The following SLC25A48 variants were observed in gnomAD, a reference collection of about 807,000 sequenced individuals.
SLC25A48 encodes the protein solute carrier family 25 member 48.
A neutral mutation model predicts 32.2 loss-of-function variants in SLC25A48; 29 were observed. That is an observed-to-expected ratio of 0.90 (90% CI 0.67 to 1.23). The LOEUF (loss-of-function observed/expected upper bound fraction) is 1.23. Ranked by LOEUF, SLC25A48 falls within the 50% of genes most tolerant of loss-of-function variation. The probability of loss-of-function intolerance (pLI) is 0.00; values close to 1 mark genes in which losing one functional copy is unlikely to be tolerated. For synonymous variants in SLC25A48, 164 were observed against 172.3 expected (o/e 0.95, Z 0.38); for missense variants, 399 against 422.7 (o/e 0.94, Z 0.49).
At chr5:135,861,949 G>A (rs17169232) in intron 4 of SLC25A48, among the ~76,000 whole-genome samples, 30,809 of 152,290 alleles carry the variant, frequency 0.2, 3,918 homozygotes, top group Middle Eastern at 0.3. Flanking sequence ...GTATTCTCCT[G>A]GGGCCTCTGC....
intron 1 of SLC25A48, among the ~76,000 whole-genome samples, chr5:135,591,930 G>A (rs1007089790): frequency 3.3e-5 from 5 of 152,182 alleles, no homozygotes; most frequent in African/African-American, 1.2e-4. Context: ...AAGCTAAGCA[G>A]CTTCTTGGCT....
Position 135,784,254 on chromosome 5 carries a change from C to G in SLC25A48, c.-520-28269C>G. On this transcript the variant is annotated intron_variant, in intron 3 of 10. Transcript: ENST00000646290. ...AAGAGGATGATATTACTCCCAATAGCGCAGAGAGTGTACACCCCACCTGTG... is the reference window on the plus strand; with the variant it reads ...AAGAGGATGATATTACTCCCAATAGGGCAGAGAGTGTACACCCCACCTGTG... 2.9e-5 allele frequency among the ~76,000 whole-genome samples: 2 copies of G among 69,628 alleles called. 1 individual carries two copies. The highest frequency in any genetic ancestry group is 8.8e-5 in the Non-Finnish European group (2 of 22,656). 45.7% of individuals were successfully genotyped at this position (69,628 alleles called of 152,430 possible). A position where few individuals can be genotyped will look rare whatever the true frequency, so the allele number is the denominator to read the frequency against.
At chr5:135,833,413 C>T (rs1758280310), upstream of SLC25A48, among the ~76,000 whole-genome samples, 1 of 152,216 alleles carries the variant, frequency 6.6e-6, no homozygotes, top group Non-Finnish European at 1.5e-5. Flanking sequence ...AGGCTTTCCA[C>T]TTGTGGATGC....
chr5:135,808,112 TCA>T (rs1757506004), intron 3 of SLC25A48, among the ~76,000 whole-genome samples: 1 of 151,056 alleles, frequency 6.6e-6, no homozygotes, highest in Non-Finnish European at 1.5e-5. Flanking sequence ...TTTATTAATA[TCA>T]CAGTGTGTTA....
intron 3 of SLC25A48, among the ~76,000 whole-genome samples, chr5:135,851,710 A>G (rs891930834): frequency 3.3e-5 from 5 of 152,172 alleles, no homozygotes; most frequent in Non-Finnish European, 5.9e-5. Flanking sequence ...GAGTCTGCAC[A>G]ATAGCTTCCC....
chr5:135,870,543 G>T (rs1761554034), intron 4 of SLC25A48, among the ~76,000 whole-genome samples: 2 of 152,148 alleles, frequency 1.3e-5, no homozygotes. Flanking sequence ...TAGACAAGAA[G>T]ATAGCAGCCC....
rs985129775 is a variant in SLC25A48 at position 135,659,231 on chromosome 5, T to C, written c.-521+24275T>C. ...AGTCAGGCCACATCTTGAATGCTTT[T>C]CTGCTTAGAAATTTCTTCCACCAGA... is the stretch of plus-strand genomic sequence containing the variant. On this transcript the variant is annotated intron_variant, in intron 3 of 10. Coordinates refer to the SLC25A48 transcript ENST00000646290. 2.0e-5 allele frequency among the ~76,000 whole-genome samples: 3 copies of C among 149,456 alleles called. No homozygotes were observed. The Admixed American group carries it at 2.0e-4, about 10-fold the overall frequency.
At chr5:135,590,437 T>A (rs1437728876) in intron 1 of SLC25A48, among the ~76,000 whole-genome samples, 1 of 152,216 alleles carries the variant, frequency 6.6e-6, no homozygotes, top group Admixed American at 6.5e-5. Flanking sequence ...GGTCCCTGAG[T>A]GCCTTTGCTC....
At chr5:135,781,066 C>T (rs79374779) in intron 3 of SLC25A48, among the ~76,000 whole-genome samples, 8,471 of 115,916 alleles carry the variant, frequency 0.073, 1,913 homozygotes, top group African/African-American at 0.15. Flanking sequence ...TACACCACCT[C>T]TGATATTGTT....
At chr5:135,821,103 C>T (rs1239992263) in intron 4 of SLC25A48, among the ~76,000 whole-genome samples, 1 of 152,224 alleles carries the variant, frequency 6.6e-6, no homozygotes, top group Non-Finnish European at 1.5e-5. Flanking sequence ...GCTCAACTCT[C>T]CAATCTGCAA....
intron 3 of SLC25A48, among the ~76,000 whole-genome samples, chr5:135,672,897 C>T (rs1753688109): frequency 6.6e-6 from 1 of 152,122 alleles, no homozygotes; most frequent in Non-Finnish European, 1.5e-5. Context: ...CCCTTATGCT[C>T]CACCCCCAAG....
At chr5:135,680,437 T>C (rs1580779833) in intron 3 of SLC25A48, among the ~76,000 whole-genome samples, 1 of 152,366 alleles carries the variant, frequency 6.6e-6, no homozygotes, top group Non-Finnish European at 1.5e-5. Flanking sequence ...GAATTTGTGA[T>C]AAAATTTAGA....
intron 1 of SLC25A48, among the ~76,000 whole-genome samples, chr5:135,588,612 T>C (rs754153144): frequency 1.3e-5 from 2 of 152,070 alleles, no homozygotes; most frequent in Admixed American, 6.5e-5. Flanking sequence ...AGGTTGGGGA[T>C]TGGGAATGCT....
chr5:135,809,159 C>T (rs1757538518), intron 3 of SLC25A48, among the ~76,000 whole-genome samples: 1 of 151,822 alleles, frequency 6.6e-6, no homozygotes, highest in African/African-American at 2.4e-5. Flanking sequence ...GATAGCCAGG[C>T]ATGATGGCAT....
intron 3 of SLC25A48, among the ~76,000 whole-genome samples, chr5:135,643,323 C>A (rs982081094): frequency 4.6e-5 from 7 of 152,174 alleles, no homozygotes; most frequent in Non-Finnish European, 1.0e-4. Flanking sequence ...GCTGAACACA[C>A]AAGACTCTGT....
intron 3 of SLC25A48, among the ~76,000 whole-genome samples, chr5:135,788,968 T>G (rs1290016084): frequency 2.7e-5 from 4 of 149,698 alleles, no homozygotes; most frequent in Non-Finnish European, 1.5e-5. Context: ...GTGGAGGGTG[T>G]CCACATCCCT....
intron 4 of SLC25A48, among the ~76,000 whole-genome samples, chr5:135,819,871 A>G (rs1757835341): frequency 6.6e-6 from 1 of 152,206 alleles, no homozygotes; most frequent in African/African-American, 2.4e-5. Context: ...AATTAAAACC[A>G]GCGTGGTATC....
intron 1 of SLC25A48, among the ~76,000 whole-genome samples, chr5:135,596,027 C>T (rs1405498808): frequency 1.3e-5 from 2 of 152,200 alleles, no homozygotes; most frequent in African/African-American, 4.8e-5. Flanking sequence ...TCGGCCAACC[C>T]CTTACCCTTG....
intron 4 of SLC25A48, among the ~76,000 whole-genome samples, chr5:135,855,137 G>T (rs1312248181): frequency 2.0e-5 from 3 of 152,176 alleles, no homozygotes; most frequent in Non-Finnish European, 2.9e-5. Flanking sequence ...CATCATAACA[G>T]ATATAATGAT....
Sources: allele counts gnomAD v4.1 joint callset (sites outside exome capture counted in the v4.1 genomes callset), GRCh38; gene constraint gnomAD v4.1.1; transcripts MANE v1.5; gene names NCBI Gene and HGNC (gene_info 2026-07-23, HGNC 2026-07-21).